COLEC10: variants seen among roughly 807,000 people sequenced by gnomAD.
COLEC10 encodes the protein collectin-10.
COLEC10 carries 22 observed loss-of-function variants against 28.4 expected under a neutral mutation model. The observed-to-expected ratio is 0.78, with a 90% CI of 0.55 to 1.11. The LOEUF is 1.11. Ranked by LOEUF, COLEC10 falls within the 50% of genes least tolerant of loss-of-function variation. COLEC10 has a pLI of 0.00. For missense variants in COLEC10, 361 were observed against 344.1 expected, an observed-to-expected ratio of 1.05 and a Z score of -0.39; for synonymous variants, 125 against 116.1, an observed-to-expected ratio of 1.08 and a Z score of -0.49.
intron 5 of COLEC10, among the ~76,000 whole-genome samples, 172 bp downstream of exon 5, chr8:119,104,067 A>G (rs1021358903): frequency 1.3e-5 from 2 of 152,090 alleles, no homozygotes; most frequent in African/African-American, 4.8e-5. Context: ...CCCCTAGGAC[A>G]CCTCAAGTCT....
In COLEC10 at chr8:119,067,378, C is replaced by T. The variant is rs138502539; in HGVS notation, c.97C>T (p.Arg33Cys). ...GAGTCTGGGTCTGGATATTGATAGC[C>T]GTCCTACCGCTGAAGTCTGTGCCAC... ...IQSLGLDIDS[R>C]PTAEVCATHT... is the part of the protein sequence containing the mutation. Residue 33 changes from arginine to cysteine, a missense_variant, in exon 1 of 6, where the codon CGT becomes TGT. Arg to Cys is a radical substitution (Grantham distance 180). Around this residue, in one of 3 missense-constraint regions of COLEC10, gnomAD observed 335 missense variants for 308.5 expected, o/e 1.09. Transcript: ENST00000332843. The T allele has an allele frequency of 2.7e-5, 44 of 1,614,014 alleles. No individual in the cohort carries two copies. The highest frequency in any genetic ancestry group is 2.5e-4 in the African/African-American group (19 of 75,022).
the COLEC10 span, among the ~76,000 whole-genome samples, chr8:118,956,172 G>C: frequency 0.17 from 25,222 of 151,974 alleles, 2,140 homozygotes; most frequent in African/African-American, 0.22. Flanking sequence ...GGTACTAATC[G>C]TATTTGTTAA....
intron 2 of COLEC10, among the ~76,000 whole-genome samples, chr8:119,052,389 G>A (rs1196000368): frequency 6.6e-6 from 1 of 151,788 alleles, no homozygotes; most frequent in African/African-American, 2.4e-5. Context: ...AGTTATTACA[G>A]GTCCTTTCAG....
intron 2 of COLEC10, among the ~76,000 whole-genome samples, chr8:119,035,850 T>C (rs754991871): frequency 5.9e-5 from 9 of 152,206 alleles, no homozygotes; most frequent in Non-Finnish European, 1.3e-4. Context: ...TCAGTTTCAA[T>C]AGATTTTCAT....
chr8:118,997,111 T>C (rs1813602798), intron 1 of COLEC10, among the ~76,000 whole-genome samples: 1 of 152,228 alleles, frequency 6.6e-6, no homozygotes, highest in Non-Finnish European at 1.5e-5. Context: ...TCTATTTAAA[T>C]CCTTTGCCCA....
Position 119,102,304 on chromosome 8 carries a change from T to A in COLEC10, c.293-44T>A, listed in dbSNP as rs371498653. The A allele has an allele frequency of 6.6e-6, 9 of 1,373,478 alleles. No homozygotes were observed. The East Asian group carries it at 9.7e-5, about 15-fold the overall frequency. The allele number at this position is 1,373,478 out of a possible 1,614,324, so 85.1% of individuals were successfully genotyped here. ...TCCTTCCTTTTTTCCTTTCTTCTTT[T>A]ATTTTAATTTTATTTTATTTTGGTT... On this transcript the variant is annotated intron_variant, in intron 3 of 5. Transcript: ENST00000332843.
At chr8:118,994,784 G>A (rs768063065), upstream of COLEC10, among the ~76,000 whole-genome samples, 1 of 152,062 alleles carries the variant, frequency 6.6e-6, no homozygotes, top group Non-Finnish European at 1.5e-5. Context: ...CAGTAACATC[G>A]GGGATGAAAT....
chr8:118,964,327 C>T, the COLEC10 span, among the ~76,000 whole-genome samples: 2 of 152,232 alleles, frequency 1.3e-5, no homozygotes, highest in African/African-American at 4.8e-5. Context: ...TATATCGATC[C>T]CTTCTCATAG....
intron 1 of COLEC10, among the ~76,000 whole-genome samples, chr8:119,075,142 C>T (rs1435865218): frequency 2.0e-5 from 3 of 152,208 alleles, no homozygotes; most frequent in East Asian, 1.9e-4. Flanking sequence ...GGCTATTCTA[C>T]TGGCCTTGGG....
chr8:119,035,578 AT>A (rs1814375559), intron 2 of COLEC10, among the ~76,000 whole-genome samples: 1 of 152,100 alleles, frequency 6.6e-6, no homozygotes, highest in Non-Finnish European at 1.5e-5. Context: ...TGAAAAGACA[AT>A]TTTCTTCTTT....
Position 119,106,320 on chromosome 8 carries a change from A to T in COLEC10, c.*129A>T. 3.4e-6 allele frequency: 3 copies of T among 887,114 alleles called. No homozygotes were observed. The highest frequency in any genetic ancestry group is 5.1e-6 in the Non-Finnish European group (3 of 582,960). 55.0% of individuals were successfully genotyped at this position (887,114 alleles called of 1,614,324 possible). A position where few individuals can be genotyped will look rare whatever the true frequency, so the allele number is the denominator to read the frequency against. On this transcript the variant is annotated 3_prime_UTR_variant, in exon 6 of 6. Coordinates refer to ENST00000332843, the MANE Select transcript of COLEC10 (RefSeq NM_006438.5). Reference sequence around the variant, plus strand: ...TAGCTAGAAAATGCTAAACTGAGGTATGGAGCCTCCATCATCATGCTCTTT... The same window carrying T: ...TAGCTAGAAAATGCTAAACTGAGGTTTGGAGCCTCCATCATCATGCTCTTT...
In COLEC10 at chr8:119,050,679, A is replaced by G. The variant is rs142932844; in HGVS notation, n.236-39001A>G. Among the ~76,000 whole-genome samples, 1,212 of 152,300 alleles carry G rather than the reference A, an allele frequency of 8.0e-3. 11 individuals are homozygous for G. The highest frequency in any genetic ancestry group is 0.026 in the African/African-American group (1,089 of 41,542). On this transcript the variant is annotated intron_variant and non_coding_transcript_variant, in intron 2 of 6. Coordinates refer to the COLEC10 transcript ENST00000521788. Reference sequence around the variant, plus strand: ...GTGGAAAAAATGTATATTTTTGGAGATAAAAAGGCAGATAAATCAATCCAC... The same window carrying G: ...GTGGAAAAAATGTATATTTTTGGAGGTAAAAAGGCAGATAAATCAATCCAC...
the COLEC10 span, among the ~76,000 whole-genome samples, chr8:118,979,994 C>T: frequency 6.6e-6 from 1 of 151,962 alleles, no homozygotes; most frequent in Non-Finnish European, 1.5e-5. Flanking sequence ...GCTTGCTTCC[C>T]CGGTGTGAGT....
intron 2 of COLEC10, among the ~76,000 whole-genome samples, chr8:119,054,645 G>C (rs1814733028): frequency 6.6e-6 from 1 of 152,042 alleles, no homozygotes. Context: ...ACTGGGTCCT[G>C]TCCCTAGATT....
the COLEC10 span, among the ~76,000 whole-genome samples, chr8:118,968,503 A>G: frequency 2.0e-5 from 3 of 151,960 alleles, no homozygotes; most frequent in South Asian, 2.1e-4. Flanking sequence ...CACTTTCCAT[A>G]GTCTCTAGGC....
At chr8:119,031,052 T>C (rs1814278022) in intron 2 of COLEC10, among the ~76,000 whole-genome samples, 1 of 152,188 alleles carries the variant, frequency 6.6e-6, no homozygotes, top group Non-Finnish European at 1.5e-5. Flanking sequence ...TACATCATAT[T>C]CCAAACCAGA....
At chr8:119,050,096 T>G (rs573079663) in intron 2 of COLEC10, among the ~76,000 whole-genome samples, 3 of 152,350 alleles carry the variant, frequency 2.0e-5, no homozygotes, top group African/African-American at 7.2e-5. Flanking sequence ...TACTTGGCTT[T>G]ATGTGAGAAT....
chr8:119,079,961 T>G (rs1815337671), intron 1 of COLEC10, among the ~76,000 whole-genome samples: 1 of 152,164 alleles, frequency 6.6e-6, no homozygotes, highest in Non-Finnish European at 1.5e-5. Context: ...ATTAGATAAA[T>G]TAATTTCCTT....
chr8:118,953,726 G>A, the COLEC10 span, among the ~76,000 whole-genome samples: 2 of 152,142 alleles, frequency 1.3e-5, no homozygotes, highest in South Asian at 2.1e-4. Context: ...TCAGCACAAT[G>A]CCTGGCCCAT....
Sources: allele counts gnomAD v4.1 joint callset (sites outside exome capture counted in the v4.1 genomes callset), GRCh38; gene constraint gnomAD v4.1.1; regional missense constraint gnomAD v4.1.1; transcripts MANE v1.5; gene names NCBI Gene and HGNC (gene_info 2026-07-23, HGNC 2026-07-21).